Variants in METTL15 observed in about 807,000 individuals in gnomAD.
The protein encoded by METTL15 is methyltransferase 15, mitochondrial 12S rRNA N4-cytidine, also known as 12S rRNA N(4)-cytidine methyltransferase METTL15.
In METTL15, 34 loss-of-function variants were observed where a neutral mutation model predicts 38.3. The ratio of observed to expected loss-of-function variants is 0.89; its 90% confidence interval spans 0.68 to 1.18. The LOEUF (loss-of-function observed/expected upper bound fraction) is 1.18. METTL15 is among the 50% of genes most tolerant of loss of function. The pLI is 0.00. For synonymous variants in METTL15, 162 were observed against 170.9 expected, an observed-to-expected ratio of 0.95 and a Z score of 0.41; for missense variants, 438 against 498.4, an observed-to-expected ratio of 0.88 and a Z score of 1.15.
At chr11:28,288,529 G>A (rs1444960054) in intron 4 of METTL15, among the ~76,000 whole-genome samples, 1 of 152,152 alleles carries the variant, frequency 6.6e-6, no homozygotes, top group Non-Finnish European at 1.5e-5. Context: ...GGATGGAGCT[G>A]TAGGCCATTA....
intron 6 of METTL15, among the ~76,000 whole-genome samples, chr11:28,481,944 T>C (rs1251949006): frequency 6.6e-6 from 1 of 152,240 alleles, no homozygotes; most frequent in Non-Finnish European, 1.5e-5. Flanking sequence ...AAATGTTTAA[T>C]TCTGAAATAC....
intron 4 of METTL15, among the ~76,000 whole-genome samples, chr11:28,262,753 C>T (rs1855259263): frequency 6.6e-6 from 1 of 152,006 alleles, no homozygotes; most frequent in Admixed American, 6.6e-5. Context: ...TGTATAGTAG[C>T]CCACACCTTC....
chr11:28,522,550 C>G (rs763071906), intron 6 of METTL15, among the ~76,000 whole-genome samples: 17 of 152,308 alleles, frequency 1.1e-4, no homozygotes, highest in Non-Finnish European at 1.6e-4. Flanking sequence ...AAATATTAGT[C>G]TCATCCAAAA....
chr11:28,330,321 C>A, intron 6 of METTL15, 75 bp from the exon 7 acceptor site: 4 of 1,316,306 alleles, frequency 3.0e-6, no homozygotes, highest in Non-Finnish European at 4.1e-6. Context: ...CACAACTACA[C>A]AATTCATTAG....
At chr11:28,377,809 G>GATT (rs1288393829) in intron 5 of METTL15, among the ~76,000 whole-genome samples, 1 of 120,676 alleles carries the variant, frequency 8.3e-6, no homozygotes, top group Non-Finnish European at 2.0e-5. Flanking sequence ...TTTGGTCTTT[G>GATT]ATGATGAAGT....
At chr11:28,195,404 G>C (rs1162741857) in intron 3 of METTL15, among the ~76,000 whole-genome samples, 1 of 151,832 alleles carries the variant, frequency 6.6e-6, no homozygotes, top group African/African-American at 2.4e-5. Context: ...TAATAATGCT[G>C]TTCTGGCTGG....
intron 3 of METTL15, among the ~76,000 whole-genome samples, chr11:28,180,966 T>C (rs748772052): frequency 2.0e-5 from 3 of 151,806 alleles, no homozygotes; most frequent in Non-Finnish European, 4.4e-5. Context: ...GATTTTTTGC[T>C]AGGTTTCGTT....
chr11:28,161,107 C>CTTTTT lies in METTL15; in HGVS notation c.270+47518_270+47522dup, dbSNP rs10660185. Among the ~76,000 whole-genome samples the CTTTTT allele has an allele frequency of 1.9e-4, 25 of 131,906 alleles. 1 individual carries two copies. Among genetic ancestry groups the CTTTTT allele is most frequent in the South Asian group, 4.9e-4 (2 of 4,116 alleles). The allele number at this position is 131,906 out of a possible 152,430, so 86.5% of individuals were successfully genotyped here. ...GATATAGTCAGATGTTTGCACCTTC[C>CTTTTT]TTTTTTTTTTTTTTTTTTTGTTTTT... On this transcript the variant is annotated intron_variant, in intron 3 of 6. Transcript: ENST00000407364.
intron 5 of METTL15, among the ~76,000 whole-genome samples, chr11:28,405,848 C>T (rs992676767): frequency 3.3e-5 from 5 of 151,932 alleles, no homozygotes; most frequent in African/African-American, 1.2e-4. Flanking sequence ...GGCATACCCA[C>T]CTCTCATATT....
intron 6 of METTL15, among the ~76,000 whole-genome samples, chr11:28,453,740 C>T (rs1851143400): frequency 6.6e-6 from 1 of 152,126 alleles, no homozygotes; most frequent in Non-Finnish European, 1.5e-5. Flanking sequence ...GTCAAAATTC[C>T]ATTAATATCC....
chr11:28,376,802 T>C (rs1483551790), intron 5 of METTL15, among the ~76,000 whole-genome samples: 2 of 150,200 alleles, frequency 1.3e-5, no homozygotes, highest in African/African-American at 4.9e-5. Flanking sequence ...TGGTACCGGT[T>C]GTTCCTTTCC....
chr11:28,207,315 T>A (rs1218144900), intron 3 of METTL15, among the ~76,000 whole-genome samples: 1 of 152,170 alleles, frequency 6.6e-6, no homozygotes, highest in East Asian at 1.9e-4. Context: ...GTTTTTAGCA[T>A]GAAGGGCTGT....
At chr11:28,310,952 G>A (rs1254795121) in intron 6 of METTL15, among the ~76,000 whole-genome samples, 5 of 143,462 alleles carry the variant, frequency 3.5e-5, no homozygotes, top group Non-Finnish European at 7.6e-5. Context: ...TGGTGGTGGT[G>A]GTGGTGGTGG....
At chr11:28,395,194 G>A (rs992033350) in intron 5 of METTL15, among the ~76,000 whole-genome samples, 1 of 151,986 alleles carries the variant, frequency 6.6e-6, no homozygotes, top group Non-Finnish European at 1.5e-5. Context: ...GGGGACTCAG[G>A]ATTTTTTGTC....
At chr11:28,466,656 C>T (rs894095938) in intron 6 of METTL15, among the ~76,000 whole-genome samples, 6 of 152,196 alleles carry the variant, frequency 3.9e-5, no homozygotes, top group East Asian at 1.9e-4. Context: ...CGGTACATCA[C>T]GCGGTGCCTG....
intron 3 of METTL15, among the ~76,000 whole-genome samples, chr11:28,180,488 G>C (rs753018003): frequency 4.0e-5 from 6 of 151,702 alleles, no homozygotes; most frequent in African/African-American, 7.3e-5. Flanking sequence ...GTTTGGTCTA[G>C]TCAATGAGAA....
chr11:28,160,304 GT>G (rs1462590953), intron 3 of METTL15, among the ~76,000 whole-genome samples: 1 of 151,604 alleles, frequency 6.6e-6, no homozygotes, highest in Non-Finnish European at 1.5e-5. Context: ...CGTTAGTTCT[GT>G]TCCTTTAGAG....
At chr11:28,386,996 T>C (rs1850447681) in intron 5 of METTL15, among the ~76,000 whole-genome samples, 1 of 151,882 alleles carries the variant, frequency 6.6e-6, no homozygotes, top group Non-Finnish European at 1.5e-5. Flanking sequence ...TTCAAAAATA[T>C]CTTGAGAAAA....
At chr11:28,419,358 T>C (rs560009249) in intron 5 of METTL15, among the ~76,000 whole-genome samples, 1 of 152,330 alleles carries the variant, frequency 6.6e-6, no homozygotes, top group South Asian at 2.1e-4. Context: ...CTCTGCCTGG[T>C]AATCTATAAA....
Sources: allele counts gnomAD v4.1 joint callset (sites outside exome capture counted in the v4.1 genomes callset), GRCh38; gene constraint gnomAD v4.1.1; transcripts MANE v1.5; gene names NCBI Gene and HGNC (gene_info 2026-07-23, HGNC 2026-07-21).